The following MAGI2 variants were observed in gnomAD, a reference collection of about 807,000 sequenced individuals.
MAGI2 encodes the protein membrane associated guanylate kinase, WW and PDZ domain containing 2.
MAGI2 carries 35 observed loss-of-function variants against 133.3 expected under a neutral mutation model. That is an observed-to-expected ratio of 0.26 (90% confidence interval 0.20 to 0.35). MAGI2 has a LOEUF of 0.35. MAGI2 is among the 10% of genes least tolerant of loss of function. The probability of loss-of-function intolerance (pLI) is 1.00; values close to 1 mark genes in which losing one functional copy is unlikely to be tolerated. For missense variants in MAGI2, 1,636 were observed against 1,863.4 expected (o/e 0.88, Z 2.25); for synonymous variants, 729 against 710.6 (o/e 1.03, Z -0.41).
intron 9 of MAGI2, among the ~76,000 whole-genome samples, chr7:78,267,035 C>T (rs553158183): frequency 1.2e-4 from 18 of 152,118 alleles, no homozygotes; most frequent in African/African-American, 3.9e-4. Flanking sequence ...GCTGCTTGGT[C>T]GGAGAAGTGC....
intron 1 of MAGI2, among the ~76,000 whole-genome samples, chr7:79,126,906 C>T (rs944889091): frequency 2.0e-5 from 3 of 151,866 alleles, no homozygotes; most frequent in Non-Finnish European, 4.4e-5. Context: ...CCCATTAACT[C>T]GTCATTTAGC....
intron 1 of MAGI2, among the ~76,000 whole-genome samples, chr7:79,173,425 A>C (rs898785192): frequency 2.0e-5 from 3 of 152,066 alleles, no homozygotes; most frequent in Admixed American, 2.0e-4. Flanking sequence ...TCCTGGGCTC[A>C]AGTGATCCTT....
At chr7:78,151,897 C>T (rs773043380) in intron 16 of MAGI2, among the ~76,000 whole-genome samples, 4 of 151,994 alleles carry the variant, frequency 2.6e-5, no homozygotes, top group Non-Finnish European at 5.9e-5. Flanking sequence ...GAGGATTGCG[C>T]TGGATCACTG....
intron 2 of MAGI2, among the ~76,000 whole-genome samples, chr7:78,949,016 TA>T (rs929412180): frequency 1.3e-5 from 2 of 152,028 alleles, no homozygotes; most frequent in Non-Finnish European, 2.9e-5. Flanking sequence ...AGAAAACTTA[TA>T]AAAAAACTTC....
At chr7:78,713,773 T>A (rs1163608523) in intron 2 of MAGI2, among the ~76,000 whole-genome samples, 1 of 152,160 alleles carries the variant, frequency 6.6e-6, no homozygotes, top group Non-Finnish European at 1.5e-5. Context: ...GTTTGTATAC[T>A]CACAATGCAT....
chr7:79,404,448 G>C (rs1329729465), intron 1 of MAGI2, among the ~76,000 whole-genome samples: 3 of 152,020 alleles, frequency 2.0e-5, no homozygotes, highest in Non-Finnish European at 4.4e-5. Flanking sequence ...TGGTCCTCCT[G>C]CCTCGGCCTC....
intron 9 of MAGI2, among the ~76,000 whole-genome samples, chr7:78,280,069 G>A (rs1336801712): frequency 6.6e-6 from 1 of 152,116 alleles, no homozygotes; most frequent in African/African-American, 2.4e-5. Flanking sequence ...TGACCTCTGG[G>A]AAAACTCAGA....
chr7:78,462,900 T>A (rs2151515953), intron 6 of MAGI2, among the ~76,000 whole-genome samples: 1 of 152,294 alleles, frequency 6.6e-6, no homozygotes, highest in African/African-American at 2.4e-5. Flanking sequence ...AACATGAAGA[T>A]ATTCTGCTCT....
chr7:78,819,593 C>G (rs1357403271), intron 2 of MAGI2, among the ~76,000 whole-genome samples: 4 of 151,814 alleles, frequency 2.6e-5, no homozygotes, highest in Non-Finnish European at 2.9e-5. Flanking sequence ...ACGTGTGTGT[C>G]TGTATTAGAG....
chr7:79,360,292 G>A (rs1287933841), intron 1 of MAGI2, among the ~76,000 whole-genome samples: 2 of 152,070 alleles, frequency 1.3e-5, no homozygotes, highest in African/African-American at 2.4e-5. Flanking sequence ...TCATGGCAAG[G>A]TTATCTTGGG....
intron 1 of MAGI2, among the ~76,000 whole-genome samples, chr7:79,065,882 A>G (rs1469233789): frequency 6.6e-6 from 1 of 152,204 alleles, no homozygotes; most frequent in Non-Finnish European, 1.5e-5. Flanking sequence ...CCTGCAAAGG[A>G]CAAGAACTCA....
intron 2 of MAGI2, among the ~76,000 whole-genome samples, chr7:78,733,142 G>A (rs1446730886): frequency 6.6e-6 from 1 of 152,164 alleles, no homozygotes; most frequent in African/African-American, 2.4e-5. Flanking sequence ...AGGTTCATGA[G>A]GAAACTCAGC....
chr7:78,324,606 G>A (rs1033398839), intron 9 of MAGI2, among the ~76,000 whole-genome samples: 3 of 152,210 alleles, frequency 2.0e-5, no homozygotes, highest in African/African-American at 7.2e-5. Context: ...CAGTGAATGA[G>A]TGTTATTATT....
rs1225146907 is a variant in MAGI2 at position 79,365,129 on chromosome 7, T to TA, written c.301+87890dup. Among the ~76,000 whole-genome samples the TA allele has an allele frequency of 2.0e-5, 3 of 152,176 alleles. No individual in the cohort carries two copies. The East Asian group carries it at 5.8e-4, about 29-fold the overall frequency. On this transcript the variant is annotated intron_variant, in intron 1 of 21. Coordinates refer to ENST00000354212, the MANE Select transcript of MAGI2 (RefSeq NM_012301.4). ...GAAATACAGATGGCAAATAAGCACA[T>TA]AAAAAATGTCCAATATTATTAGCTA...
chr7:79,116,000 G>C (rs79514737), intron 1 of MAGI2, among the ~76,000 whole-genome samples: 1 of 151,378 alleles, frequency 6.6e-6, no homozygotes, highest in Non-Finnish European at 1.5e-5. Context: ...CATCCCATCA[G>C]CAAGGGACAT....
intron 3 of MAGI2, among the ~76,000 whole-genome samples, chr7:78,565,303 A>AT (rs1800832927): frequency 6.6e-6 from 1 of 151,810 alleles, no homozygotes; most frequent in South Asian, 2.1e-4. Flanking sequence ...GTCAAAAAAA[A>AT]TTTTTTTAAA....
intron 2 of MAGI2, among the ~76,000 whole-genome samples, chr7:78,975,592 T>C (rs1176696234): frequency 1.3e-5 from 2 of 151,634 alleles, no homozygotes; most frequent in Non-Finnish European, 3.0e-5. Context: ...CTAAAATTAA[T>C]AAGCTAAATT....
chr7:78,454,764 GAA>G (rs1400518815), intron 6 of MAGI2, among the ~76,000 whole-genome samples: 1 of 152,084 alleles, frequency 6.6e-6, no homozygotes, highest in Non-Finnish European at 1.5e-5. Flanking sequence ...CTCAATCCAT[GAA>G]AAGTCATAAA....
chr7:78,336,447 G>A lies in MAGI2; in HGVS notation c.1408+7331C>T, dbSNP rs10233242. Among the ~76,000 whole-genome samples, 784 of 152,322 alleles carry A rather than the reference G, an allele frequency of 5.1e-3. 7 individuals carry two copies. The highest frequency in any genetic ancestry group is 0.017 in the African/African-American group (686 of 41,566). On this transcript the variant is annotated intron_variant, in intron 9 of 21. Transcript: ENST00000354212. The stretch of plus-strand genomic sequence containing the variant: ...GCTGAAGAATTCTAGGATCGGCTGG[G>A]CATGGTGCCTCATAACTGTAATCCC...
Sources: gnomAD v4.1 joint callset for allele counts (sites outside exome capture counted in the v4.1 genomes callset) on GRCh38, gnomAD v4.1.1 for gene constraint, MANE v1.5 for transcripts, NCBI Gene and HGNC (gene_info 2026-07-23, HGNC 2026-07-21) for gene names.